The following ADAM17 variants were observed in gnomAD, a reference collection of about 807,000 sequenced individuals.
ADAM17 encodes the protein disintegrin and metalloproteinase domain-containing protein 17.
A neutral mutation model predicts 96.7 loss-of-function variants in ADAM17; 39 were observed. That is an observed-to-expected ratio of 0.40 (90% CI 0.31 to 0.53). The LOEUF is 0.53. Among genes scored for constraint, ADAM17 ranks in the 20% least tolerant of loss-of-function variants. The pLI is 0.44. For missense variants in ADAM17, 777 were observed against 1,013.2 expected (o/e 0.77, Z 3.17); for synonymous variants, 344 against 359.2 (o/e 0.96, Z 0.48).
At chr2:9,530,029 T>C (rs975790279) in intron 4 of ADAM17, among the ~76,000 whole-genome samples, 1 of 152,098 alleles carries the variant, frequency 6.6e-6, no homozygotes, top group Non-Finnish European at 1.5e-5. Context: ...GGGTGAATAA[T>C]ATAGTATGTG....
At chr2:9,501,172 C>T (rs774967568) in intron 13 of ADAM17, among the ~76,000 whole-genome samples, 1 of 151,778 alleles carries the variant, frequency 6.6e-6, no homozygotes, top group Non-Finnish European at 1.5e-5. Flanking sequence ...TGGCTATTCA[C>T]AGGAGAAATC....
Position 9,535,375 on chromosome 2 carries a change from T to C in ADAM17, c.450+459A>G, listed in dbSNP as rs147936515. On this transcript the variant is annotated intron_variant, in intron 4 of 18. Transcript: ENST00000310823. ...CTGTGGTCTTGATTTCTATTGCTAC[T>C]CTTTCAATGGAAGAGTGACCACAGC... 3.9e-5 allele frequency among the ~76,000 whole-genome samples: 6 copies of C among 152,362 alleles called. No individual in the cohort carries two copies. The South Asian group carries it at 1.2e-3, about 32-fold the overall frequency.
chr2:9,531,289 C>T (rs930103530), intron 4 of ADAM17, among the ~76,000 whole-genome samples: 2 of 151,594 alleles, frequency 1.3e-5, no homozygotes, highest in Non-Finnish European at 2.9e-5. Flanking sequence ...TGGGGGAGGC[C>T]AAGCATGGTG....
At chr2:9,493,181 C>T (rs1662300251) in intron 16 of ADAM17, among the ~76,000 whole-genome samples, 195 bp from the exon 17 acceptor site, 1 of 152,174 alleles carries the variant, frequency 6.6e-6, no homozygotes, top group African/African-American at 2.4e-5. Context: ...AAATAGCCCT[C>T]ATATACTGGC....
At position 9,527,903 on chromosome 2, in the gene ADAM17, T is replaced by C; in HGVS notation, c.502A>G (p.Lys168Glu). The C allele has an allele frequency of 1.3e-6, 2 of 1,593,142 alleles. No individual in the cohort carries two copies. Among genetic ancestry groups the C allele is most frequent in the Non-Finnish European group, 1.7e-6 (2 of 1,169,064 alleles). ...DTKDKRMLVY[K>E]SEDIKNVSRL... Reference sequence around the variant, plus strand: ...GAAACATTCTTGATATCTTCAGATTTATAAACTAACATTCTTTTGTCTTTG... The same window carrying C: ...GAAACATTCTTGATATCTTCAGATTCATAAACTAACATTCTTTTGTCTTTG... Residue 168 changes from lysine to glutamate, a missense_variant, in exon 5 of 19, where the codon AAA (lysine) becomes GAA (glutamate). This residue lies in a region of ADAM17 where 446 missense variants were observed against 664.7 expected (regional missense o/e 0.67). Coordinates refer to ENST00000310823, the MANE Select transcript of ADAM17 (RefSeq NM_003183.6).
chr2:9,525,814 A>C (rs1664501422), intron 6 of ADAM17, among the ~76,000 whole-genome samples: 1 of 152,276 alleles, frequency 6.6e-6, no homozygotes, highest in South Asian at 2.1e-4. Context: ...CCATGATAGC[A>C]GTGATGTTTT....
chr2:9,513,940 G>T (rs1488353420), intron 10 of ADAM17, among the ~76,000 whole-genome samples: 1 of 151,298 alleles, frequency 6.6e-6, no homozygotes, highest in Non-Finnish European at 1.5e-5. Context: ...GAATCCGGGA[G>T]GCGGAGGTTG....
chr2:9,490,309 G>A lies in ADAM17; in HGVS notation c.2343C>T (p.Pro781=). Residue 781 remains proline (P), a synonymous_variant, in exon 19 of 19, where the codon CCC becomes CCT. Transcript: ENST00000310823. The part of the protein sequence containing the change: ...HMDEDGFEKD[P]FPNSSTAAKS... The stretch of plus-strand genomic sequence containing the variant: ...TGGCAGCTGTGCTGCTATTTGGGAA[G>A]GGGTCCTTCTCAAACCCATCCTCGT... 6.2e-7 allele frequency: 1 copy of A among 1,614,188 alleles called. No homozygotes were observed. Among genetic ancestry groups the A allele is most frequent in the African/African-American group, 1.3e-5 (1 of 75,054 alleles).
At chr2:9,526,359 C>T (rs555678159) in intron 5 of ADAM17, 115 bp from the exon 6 acceptor site, 2 of 1,058,306 alleles carry the variant, frequency 1.9e-6, no homozygotes, top group Admixed American at 2.9e-5. Flanking sequence ...CTTAATATCA[C>T]TAAAGGATTC....
chr2:9,524,568 C>T (rs2125024625), intron 6 of ADAM17, among the ~76,000 whole-genome samples: 1 of 152,282 alleles, frequency 6.6e-6, no homozygotes, highest in South Asian at 2.1e-4. Context: ...CCTGGGTCAA[C>T]TGTATTCCCT....
At chr2:9,503,132 T>C (rs1377234136) in intron 12 of ADAM17, among the ~76,000 whole-genome samples, 2 of 119,228 alleles carry the variant, frequency 1.7e-5, no homozygotes, top group South Asian at 2.6e-4. Context: ...AGGGCGAGAC[T>C]CTCTCAAAAA....
intron 2 of ADAM17, 89 bp downstream of exon 2, chr2:9,543,064 C>A: frequency 7.3e-7 from 1 of 1,369,076 alleles, no homozygotes; most frequent in East Asian, 2.5e-5. Context: ...TGTAATTTCC[C>A]AAGATTTCAG....
chr2:9,536,914 G>A lies in ADAM17; in HGVS notation c.231-86C>T. 6.2e-6 allele frequency: 9 copies of A among 1,453,078 alleles called. No individual in the cohort carries two copies. In the South Asian group the frequency reaches 1.1e-4, roughly 18 times the overall value. The allele number at this position is 1,453,078 out of a possible 1,614,324, so 90.0% of individuals were successfully genotyped here. On this transcript the variant is annotated intron_variant, in intron 2 of 18. Transcript: ENST00000310823. Reference sequence around the variant, plus strand: ...ATAATTAAACTTTCTTAAAAAGCCAGAAGCATTGACATTAATAAAACACTA... The same window carrying A: ...ATAATTAAACTTTCTTAAAAAGCCAAAAGCATTGACATTAATAAAACACTA...
intron 10 of ADAM17, among the ~76,000 whole-genome samples, chr2:9,516,941 T>C (rs1299154180): frequency 6.6e-6 from 1 of 152,132 alleles, no homozygotes; most frequent in Non-Finnish European, 1.5e-5. Context: ...GACCCAGTGC[T>C]GTCCAGTAAC....
chr2:9,545,328 A>C (rs1396968440), intron 1 of ADAM17, among the ~76,000 whole-genome samples: 1 of 152,066 alleles, frequency 6.6e-6, no homozygotes, highest in African/African-American at 2.4e-5. Flanking sequence ...CAGCACTTGG[A>C]GAGGCAGAGG....
intron 13 of ADAM17, among the ~76,000 whole-genome samples, chr2:9,501,064 G>A (rs532971707): frequency 3.1e-5 from 3 of 96,116 alleles, no homozygotes; most frequent in East Asian, 3.9e-4. Flanking sequence ...GATAGGAGAC[G>A]TATGCCCAAA....
chr2:9,505,838 T>TAA (rs1448139736), intron 11 of ADAM17, among the ~76,000 whole-genome samples: 1 of 152,226 alleles, frequency 6.6e-6, no homozygotes, highest in African/African-American at 2.4e-5. Flanking sequence ...CTTCTTTGGC[T>TAA]ACTTATATGG....
chr2:9,509,932 C>G (rs764722685), intron 11 of ADAM17, 47 bp downstream of exon 11: 1 of 1,605,316 alleles, frequency 6.2e-7, no homozygotes, highest in Non-Finnish European at 8.5e-7. Context: ...GATCATTATA[C>G]ACAGCCTCTT....
intron 17 of ADAM17, among the ~76,000 whole-genome samples, chr2:9,492,610 A>G (rs1183659062): frequency 6.6e-6 from 1 of 152,240 alleles, no homozygotes; most frequent in Non-Finnish European, 1.5e-5. Context: ...TTACTCATCA[A>G]AGGACCTGGA....
Sources: gnomAD v4.1 joint callset for allele counts (sites outside exome capture counted in the v4.1 genomes callset) on GRCh38, gnomAD v4.1.1 for gene constraint, gnomAD v4.1.1 regional missense constraint, MANE v1.5 for transcripts, NCBI Gene and HGNC (gene_info 2026-07-23, HGNC 2026-07-21) for gene names.